The following DNM3 variants were observed in gnomAD, a reference collection of about 807,000 sequenced individuals.
DNM3 encodes dynamin-3.
In DNM3, 47 loss-of-function variants were observed where a neutral mutation model predicts 101.6. That is an observed-to-expected ratio of 0.46 (90% CI 0.37 to 0.59). DNM3 has a LOEUF of 0.59. Ranked by LOEUF, DNM3 falls within the 20% of genes least tolerant of loss-of-function variation. DNM3 has a pLI of 0.00. For missense variants in DNM3, 849 were observed against 1,085.7 expected (o/e 0.78, Z 3.06); for synonymous variants, 385 against 387.9 (o/e 0.99, Z 0.09).
chr1:171,852,182 A>G (rs961626904), intron 1 of DNM3, among the ~76,000 whole-genome samples: 8 of 152,252 alleles, frequency 5.3e-5, no homozygotes, highest in Admixed American at 3.9e-4. Context: ...TTTATACCAC[A>G]TAAATCCCTT....
intron 1 of DNM3, among the ~76,000 whole-genome samples, chr1:171,855,612 G>A (rs1314664763): frequency 6.6e-6 from 1 of 152,054 alleles, no homozygotes; most frequent in Non-Finnish European, 1.5e-5. Flanking sequence ...GTTTTGATTT[G>A]CATTTTTCTG....
chr1:172,081,422 G>A (rs757045889), intron 11 of DNM3, among the ~76,000 whole-genome samples: 20 of 152,262 alleles, frequency 1.3e-4, no homozygotes, highest in Admixed American at 7.8e-4. Context: ...CTAATTTGTG[G>A]CTAATATATG....
At chr1:172,258,487 A>G (rs1237593254) in intron 15 of DNM3, among the ~76,000 whole-genome samples, 2 of 151,868 alleles carry the variant, frequency 1.3e-5, no homozygotes, top group East Asian at 1.9e-4. Flanking sequence ...TTCTGATTCA[A>G]TCTTCGTAGG....
intron 14 of DNM3, among the ~76,000 whole-genome samples, chr1:172,203,475 A>T (rs1174153327): frequency 6.6e-6 from 1 of 152,206 alleles, no homozygotes; most frequent in Non-Finnish European, 1.5e-5. Context: ...CAAGTTGTTT[A>T]TATGATATCT....
intron 4 of DNM3, among the ~76,000 whole-genome samples, chr1:172,031,886 T>C (rs10797719): frequency 0.37 from 56,681 of 151,962 alleles, 11,127 homozygotes; most frequent in East Asian, 0.69. Flanking sequence ...TACAAGTTTA[T>C]TTTTGGTGAT....
chr1:172,413,494 T>C (rs566408834), downstream of DNM3, among the ~76,000 whole-genome samples: 1 of 152,326 alleles, frequency 6.6e-6, no homozygotes, highest in African/African-American at 2.4e-5. Flanking sequence ...CCCAAAGTGC[T>C]GGGATTACAG....
intron 14 of DNM3, among the ~76,000 whole-genome samples, chr1:172,216,013 A>T (rs1299601334): frequency 1.3e-5 from 2 of 151,058 alleles, no homozygotes; most frequent in Non-Finnish European, 3.0e-5. Context: ...TTAAAAAAAA[A>T]AAAAAGAAAA....
intron 2 of DNM3, among the ~76,000 whole-genome samples, chr1:171,940,097 C>G (rs746272064): frequency 6.6e-6 from 1 of 152,136 alleles, no homozygotes; most frequent in Admixed American, 6.6e-5. Flanking sequence ...GGTGTCTGAA[C>G]AGCTAAGAAC....
intron 15 of DNM3, among the ~76,000 whole-genome samples, chr1:172,284,211 T>G (rs1159499671): frequency 6.6e-6 from 1 of 152,224 alleles, no homozygotes; most frequent in African/African-American, 2.4e-5. Flanking sequence ...ACAACAATTT[T>G]TAAAAACCAC....
At chr1:172,127,077 A>T (rs2056668213) in intron 13 of DNM3, among the ~76,000 whole-genome samples, 1 of 152,002 alleles carries the variant, frequency 6.6e-6, no homozygotes, top group South Asian at 2.1e-4. Context: ...ACTCTCACTC[A>T]ACTACTGGTT....
chr1:172,170,945 A>T (rs2058935163), intron 14 of DNM3, among the ~76,000 whole-genome samples: 1 of 151,786 alleles, frequency 6.6e-6, no homozygotes, highest in Non-Finnish European at 1.5e-5. Context: ...GGCTGAGGTG[A>T]TATTTCTATA....
intron 13 of DNM3, among the ~76,000 whole-genome samples, chr1:172,122,858 A>G (rs762103959): frequency 6.6e-6 from 1 of 152,222 alleles, no homozygotes; most frequent in Non-Finnish European, 1.5e-5. Context: ...TGGATTTGTC[A>G]GTTAAATAGA....
intron 2 of DNM3, among the ~76,000 whole-genome samples, chr1:171,951,222 C>T (rs112209190): frequency 2.0e-5 from 3 of 152,314 alleles, no homozygotes; most frequent in African/African-American, 7.2e-5. Context: ...ACATTCCCTC[C>T]TGTTCTTTTA....
intron 1 of DNM3, among the ~76,000 whole-genome samples, chr1:171,893,190 A>G (rs1434755449): frequency 6.6e-6 from 1 of 152,078 alleles, no homozygotes; most frequent in African/African-American, 2.4e-5. Context: ...TCTGCATTCT[A>G]TTCTGGGATC....
At chr1:172,104,537 A>G (rs892506568) in intron 13 of DNM3, among the ~76,000 whole-genome samples, 1 of 152,066 alleles carries the variant, frequency 6.6e-6, no homozygotes, top group Admixed American at 6.5e-5. Context: ...GATTTATAAG[A>G]GAATTTTGAT....
At chr1:172,105,219 C>A (rs1478979200) in intron 13 of DNM3, among the ~76,000 whole-genome samples, 1 of 152,180 alleles carries the variant, frequency 6.6e-6, no homozygotes, top group Non-Finnish European at 1.5e-5. Flanking sequence ...AGTTCACATT[C>A]CTTTAAAGTT....
intron 13 of DNM3, among the ~76,000 whole-genome samples, chr1:172,095,934 C>A (rs1169149358): frequency 2.0e-5 from 3 of 152,216 alleles, no homozygotes; most frequent in African/African-American, 4.8e-5. Context: ...TCCTTCCACT[C>A]ATGTATTCAA....
At chr1:172,017,685 A>G (rs1238999457) in intron 4 of DNM3, among the ~76,000 whole-genome samples, 1 of 152,172 alleles carries the variant, frequency 6.6e-6, no homozygotes, top group Non-Finnish European at 1.5e-5. Flanking sequence ...TGTTGGATGT[A>G]GTAGCCTATA....
At position 171,841,828 on chromosome 1, in the gene DNM3, A is replaced by C. The variant is rs1373212354; in HGVS notation, c.161+11A>C. The stretch of plus-strand genomic sequence containing the variant: ...GAACTTCGTGGGCAGGTAAGCGCGC[A>C]GGGCGCGGAGTAAGGATGCGGCAGT... On this transcript the variant is annotated intron_variant, in intron 1 of 20. Coordinates refer to ENST00000627582, the MANE Select transcript of DNM3 (RefSeq NM_015569.5). The C allele has an allele frequency of 1.2e-6, 2 of 1,602,828 alleles. No individual in the cohort carries two copies. Among genetic ancestry groups the C allele is most frequent in the Admixed American group, 3.4e-5 (2 of 59,108 alleles).
Sources: gnomAD v4.1 joint callset for allele counts (sites outside exome capture counted in the v4.1 genomes callset) on GRCh38, gnomAD v4.1.1 for gene constraint, MANE v1.5 for transcripts, NCBI Gene and HGNC (gene_info 2026-07-23, HGNC 2026-07-21) for gene names.